The following DRG2 variants were observed in gnomAD, a reference collection of about 807,000 sequenced individuals.
The protein encoded by DRG2 is developmentally-regulated GTP-binding protein 2.
DRG2 carries 36 observed loss-of-function variants against 53.4 expected under a neutral mutation model. The observed-to-expected ratio is 0.67, with a 90% confidence interval of 0.52 to 0.89. The LOEUF (loss-of-function observed/expected upper bound fraction) is 0.89, where lower values mean the gene tolerates loss of function less well. DRG2 is among the 40% of genes least tolerant of loss of function. The pLI, the probability that DRG2 is intolerant of heterozygous loss-of-function variation, is 0.00. For synonymous variants in DRG2, 167 were observed against 192.1 expected (o/e 0.87, Z 1.08); for missense variants, 342 against 481.2 (o/e 0.71, Z 2.71).
chr17:18,099,029 A>C lies in DRG2; in HGVS notation c.328A>C (p.Asn110His), dbSNP rs1257441024. Residue 110 changes from asparagine to histidine, a missense_variant, in exon 4 of 13, where the codon AAC becomes CAC. Transcript: ENST00000225729. The surrounding 1 kb of genome is among the most constrained non-coding windows in gnomAD (Gnocchi z 4.4). The stretch of plus-strand genomic sequence containing the variant: ...TTCTGCATCCTAGTACAAAGGTGCC[A>C]ACATCCAGCTCCTGGACCTTCCTGG... ...IPGVIEYKGA[N>H]IQLLDLPGII... The C allele has an allele frequency of 2.5e-6, 4 of 1,613,970 alleles. No individual in the cohort carries two copies. In the Admixed American group the frequency reaches 6.7e-5, roughly 27 times the overall value.
intron 1 of DRG2, among the ~76,000 whole-genome samples, chr17:18,089,809 C>T (rs1194356757): frequency 6.6e-6 from 1 of 152,104 alleles, no homozygotes; most frequent in Non-Finnish European, 1.5e-5. Flanking sequence ...CAGGAACAAA[C>T]TTGGCTGTTT....
rs1198583681 is a variant in DRG2 at position 18,098,514 on chromosome 17, G to C, written c.315+155G>C. 1 of 647,982 alleles carries C rather than the reference G, an allele frequency of 1.5e-6. No individual in the cohort carries two copies. The highest frequency in any genetic ancestry group is 2.7e-6 in the Non-Finnish European group (1 of 367,130). The allele number at this position is 647,982 out of a possible 1,614,324, so 40.1% of individuals were successfully genotyped here. ...TTGCCCTCCAGCACTGACACTTCTGGGGATCCTAGCTGCTGGACCCCAGAG... is the reference window on the plus strand; with the variant it reads ...TTGCCCTCCAGCACTGACACTTCTGCGGATCCTAGCTGCTGGACCCCAGAG... On this transcript the variant is annotated intron_variant, in intron 3 of 12. Transcript: ENST00000225729. The surrounding 1 kb of genome is among the most constrained non-coding windows in gnomAD (Gnocchi z 4.1).
At chr17:18,104,274 C>G (rs1018702943) in intron 10 of DRG2, among the ~76,000 whole-genome samples, 2 of 152,238 alleles carry the variant, frequency 1.3e-5, no homozygotes, top group African/African-American at 2.4e-5. Flanking sequence ...TGCATCAACC[C>G]TGACTTTGGC....
rs1328004689 is a variant in DRG2 at position 18,103,610 on chromosome 17, C to T, written c.807-191C>T. Among the ~76,000 whole-genome samples, 1 of 152,240 alleles carries T rather than the reference C, an allele frequency of 6.6e-6. No individual in the cohort carries two copies. The highest frequency in any genetic ancestry group is 2.4e-5 in the African/African-American group (1 of 41,466). On this transcript the variant is annotated intron_variant, in intron 9 of 12. Coordinates refer to ENST00000225729, the MANE Select transcript of DRG2 (RefSeq NM_001388.5). This position sits in a 1 kb window ranked among gnomAD's most constrained non-coding sequence, Gnocchi z 4.4. ...AGATGCTGACCCTGGTTGAGTGTGA[C>T]CATGATTGGTGCCCAGAGGCACTGG... is the stretch of plus-strand genomic sequence containing the variant.
chr17:18,098,808 T>C lies in DRG2; in HGVS notation c.316-209T>C, dbSNP rs16960878. Among the ~76,000 whole-genome samples, 2,720 of 152,324 alleles carry C rather than the reference T, an allele frequency of 0.018. 66 individuals carry two copies. The highest frequency in any genetic ancestry group is 0.06 in the African/African-American group (2,496 of 41,568). On this transcript the variant is annotated intron_variant, in intron 3 of 12. Coordinates refer to ENST00000225729, the MANE Select transcript of DRG2 (RefSeq NM_001388.5). This position sits in a 1 kb window ranked among gnomAD's most constrained non-coding sequence, Gnocchi z 4.1. ...ATGAGTGTTGTGGGATTGGAAGATCTTGAGCCCTCCCTAGGCGGCTACTCA... is the reference window on the plus strand; with the variant it reads ...ATGAGTGTTGTGGGATTGGAAGATCCTGAGCCCTCCCTAGGCGGCTACTCA...
chr17:18,100,774 G>T lies in DRG2; in HGVS notation c.631+115G>T. 3 of 996,720 alleles carry T rather than the reference G, an allele frequency of 3.0e-6. No homozygotes were observed. In the South Asian group the frequency reaches 4.2e-5, roughly 14 times the overall value. 61.7% of individuals were successfully genotyped at this position (996,720 alleles called of 1,614,324 possible). A position where few individuals can be genotyped will look rare whatever the true frequency, so the allele number is the denominator to read the frequency against. On this transcript the variant is annotated intron_variant, in intron 7 of 12. Coordinates refer to ENST00000225729, the MANE Select transcript of DRG2 (RefSeq NM_001388.5). This position sits in a 1 kb window ranked among gnomAD's most constrained non-coding sequence, Gnocchi z 4.1. Reference sequence around the variant, plus strand: ...AGGGTGGCAGCAGGTCACCCCCACTGCCCCTGCTGTCCATTCAAGTAGCCT... The same window carrying T: ...AGGGTGGCAGCAGGTCACCCCCACTTCCCCTGCTGTCCATTCAAGTAGCCT...
intron 11 of DRG2, 116 bp from the exon 12 acceptor site, chr17:18,106,317 C>A: frequency 8.6e-7 from 1 of 1,161,906 alleles, no homozygotes; most frequent in Non-Finnish European, 1.3e-6. Context: ...GTGTGGGCAC[C>A]TGCCGCGGGA....
intron 2 of DRG2, chr17:18,095,936 G>A (rs927723248): frequency 4.6e-5 from 7 of 152,146 alleles, no homozygotes; most frequent in African/African-American, 1.7e-4. Context: ...GTCTCCTTAG[G>A]CTCTTCTAGA....
chr17:18,100,569 C>T lies in DRG2; in HGVS notation c.541C>T (p.Pro181Ser), dbSNP rs2045514052. The T allele has an allele frequency of 6.2e-6, 10 of 1,614,084 alleles. No individual in the cohort carries two copies. Among genetic ancestry groups the T allele is most frequent in the African/African-American group, 1.3e-5 (1 of 74,932 alleles). ...TCCCCATCCCTTTCTCCTCTTTCAGCCCAAGAAAGGTGGTGGCATCTCCTT... is the reference window on the plus strand; with the variant it reads ...TCCCCATCCCTTTCTCCTCTTTCAGTCCAAGAAAGGTGGTGGCATCTCCTT... ...NKHKPNIYFK[P>S]KKGGGISFNS... Residue 181 changes from proline (P) to serine (S), a missense_variant and splice_region_variant, in exon 7 of 13, where the codon CCC becomes TCC. Pro to Ser is a moderately conservative substitution (Grantham distance 74). Coordinates refer to ENST00000225729, the MANE Select transcript of DRG2 (RefSeq NM_001388.5). The surrounding 1 kb of genome is among the most constrained non-coding windows in gnomAD (Gnocchi z 4.1).
At chr17:18,107,055 A>G (rs1471572783) in intron 12 of DRG2, 99 bp from the exon 13 acceptor site, 1 of 1,114,014 alleles carries the variant, frequency 9.0e-7, no homozygotes, top group East Asian at 2.4e-5. Flanking sequence ...ACCTTATGCC[A>G]TGGCATTTAC....
At chr17:18,106,538 G>A (rs1490442697) in intron 12 of DRG2, 52 bp downstream of exon 12, 6 of 1,604,022 alleles carry the variant, frequency 3.7e-6, no homozygotes, top group Non-Finnish European at 5.1e-6. Context: ...GACAGCCCCT[G>A]GGTTAGGCAT....
chr17:18,106,847 G>T (rs2045647625), intron 12 of DRG2, among the ~76,000 whole-genome samples: 1 of 151,944 alleles, frequency 6.6e-6, no homozygotes, highest in Admixed American at 6.6e-5. Flanking sequence ...ACACCACCAT[G>T]CCTGGCTAAT....
At position 18,098,578 on chromosome 17, in the gene DRG2, A is replaced by T. The variant is rs761426807; in HGVS notation, c.315+219A>T. The T allele has an allele frequency of 2.0e-6, 1 of 511,190 alleles. No individual in the cohort carries two copies. Among genetic ancestry groups the T allele is most frequent in the African/African-American group, 1.9e-5 (1 of 51,820 alleles). The allele number at this position is 511,190 out of a possible 1,614,324, so 31.7% of individuals were successfully genotyped here. Reference sequence around the variant, plus strand: ...CCTGGAACTAGGAGGTCAGGCCAGCATGTGGCTACTTTGCCTGGCGCCCCC... The same window carrying T: ...CCTGGAACTAGGAGGTCAGGCCAGCTTGTGGCTACTTTGCCTGGCGCCCCC... On this transcript the variant is annotated intron_variant, in intron 3 of 12. Transcript: ENST00000225729. This position sits in a 1 kb window ranked among gnomAD's most constrained non-coding sequence, Gnocchi z 4.1.
chr17:18,106,383 G>C (rs1385479934), intron 11 of DRG2, 50 bp from the exon 12 acceptor site: 2 of 1,606,832 alleles, frequency 1.2e-6, no homozygotes, highest in Non-Finnish European at 1.7e-6. Flanking sequence ...AGCTTGGGAT[G>C]GGGTTAGGTG....
At chr17:18,091,080 A>T (rs2045326476) in intron 1 of DRG2, among the ~76,000 whole-genome samples, 1 of 152,212 alleles carries the variant, frequency 6.6e-6, no homozygotes, top group Admixed American at 6.5e-5. Context: ...ATCCAGTCCC[A>T]TTTCCTGACC....
chr17:18,094,153 T>A, intron 2 of DRG2, 180 bp downstream of exon 2: 1 of 771,820 alleles, frequency 1.3e-6, no homozygotes, highest in Non-Finnish European at 2.0e-6. Context: ...CTCTTTCCTC[T>A]TGCCAGCAGA....
chr17:18,106,507 C>G, intron 12 of DRG2, 21 bp downstream of exon 12: 1 of 1,613,808 alleles, frequency 6.2e-7, no homozygotes, highest in Non-Finnish European at 8.5e-7. Flanking sequence ...GGGTGGAAAG[C>G]AACCAGGGGG....
intron 12 of DRG2, among the ~76,000 whole-genome samples, chr17:18,106,753 C>T (rs766965553): frequency 2.1e-5 from 3 of 145,684 alleles, no homozygotes; most frequent in East Asian, 2.0e-4. Context: ...TGCAGTGGCA[C>T]GATCATGGCC....
intron 11 of DRG2, chr17:18,105,530 C>T (rs2045613697): frequency 6.6e-6 from 1 of 152,254 alleles, no homozygotes; most frequent in African/African-American, 2.4e-5. Context: ...TCCCATCTCC[C>T]TCAGGGCCTA....
Sources: gnomAD v4.1 joint callset for allele counts (sites outside exome capture counted in the v4.1 genomes callset) on GRCh38, gnomAD v4.1.1 for gene constraint, Gnocchi (gnomAD v3.1) non-coding constraint, MANE v1.5 for transcripts, NCBI Gene and HGNC (gene_info 2026-07-23, HGNC 2026-07-21) for gene names.